SPMIP2: variants seen among roughly 807,000 people sequenced by gnomAD.
SPMIP2 encodes protein SPMIP2.
At chr4:158,913,791 C>A in the SPMIP2 span, among the ~76,000 whole-genome samples, 1 of 151,316 alleles carries the variant, frequency 6.6e-6, no homozygotes, top group South Asian at 2.1e-4. Context: ...TATGGTTGTG[C>A]CCATGAATAG....
the SPMIP2 span, among the ~76,000 whole-genome samples, chr4:158,981,557 T>G: frequency 3.9e-5 from 6 of 152,174 alleles, no homozygotes; most frequent in African/African-American, 1.4e-4. Context: ...ATATTCAACA[T>G]TCTTAAAGAA....
chr4:159,076,053 C>A, the SPMIP2 span, among the ~76,000 whole-genome samples: 2 of 152,084 alleles, frequency 1.3e-5, no homozygotes, highest in African/African-American at 4.8e-5. Flanking sequence ...ATGATGCTGA[C>A]ATTTATAGGG....
chr4:159,022,287 C>A, the SPMIP2 span, among the ~76,000 whole-genome samples: 1 of 152,268 alleles, frequency 6.6e-6, no homozygotes, highest in East Asian at 1.9e-4. Flanking sequence ...TCACCAGTGC[C>A]GTCATTCACT....
chr4:158,999,340 G>A, the SPMIP2 span, among the ~76,000 whole-genome samples: 11 of 152,276 alleles, frequency 7.2e-5, no homozygotes, highest in South Asian at 2.3e-3. Context: ...TTTTAGCCTG[G>A]ATGAAATGTG....
chr4:158,953,563 T>C, the SPMIP2 span, among the ~76,000 whole-genome samples: 1 of 152,208 alleles, frequency 6.6e-6, no homozygotes, highest in African/African-American at 2.4e-5. Context: ...ACTGGGGCAC[T>C]GCCTAGTGGA....
chr4:159,070,570 G>T, the SPMIP2 span, among the ~76,000 whole-genome samples: 6 of 152,170 alleles, frequency 3.9e-5, no homozygotes, highest in Non-Finnish European at 7.4e-5. Flanking sequence ...ATATGGTTTG[G>T]AAGAGCCTTA....
the SPMIP2 span, among the ~76,000 whole-genome samples, chr4:159,030,286 C>A: frequency 6.6e-6 from 1 of 151,874 alleles, no homozygotes; most frequent in Admixed American, 6.6e-5. Flanking sequence ...ATGGTACACA[C>A]CTATAGTCCC....
chr4:158,934,396 A>G, the SPMIP2 span, among the ~76,000 whole-genome samples: 1 of 152,270 alleles, frequency 6.6e-6, no homozygotes, highest in East Asian at 1.9e-4. Context: ...CAGGAGGTGG[A>G]GGTTGCAGTG....
At chr4:158,903,016 G>A in the SPMIP2 span, among the ~76,000 whole-genome samples, 2 of 152,128 alleles carry the variant, frequency 1.3e-5, no homozygotes, top group East Asian at 1.9e-4. Flanking sequence ...CTAGCATTCC[G>A]GGTGCCACTG....
At chr4:158,947,911 C>A in the SPMIP2 span, among the ~76,000 whole-genome samples, 1 of 151,974 alleles carries the variant, frequency 6.6e-6, no homozygotes, top group Non-Finnish European at 1.5e-5. Flanking sequence ...TGCTTTTTCT[C>A]CATTTTAATG....
At chr4:159,058,099 A>G in the SPMIP2 span, among the ~76,000 whole-genome samples, 167 of 151,544 alleles carry the variant, frequency 1.1e-3, 1 homozygote, top group Middle Eastern at 3.5e-3. Context: ...GGCTGAAGTG[A>G]TCCACCGTGT....
the SPMIP2 span, among the ~76,000 whole-genome samples, chr4:159,054,167 G>C: frequency 6.6e-6 from 1 of 151,896 alleles, no homozygotes; most frequent in East Asian, 1.9e-4. Context: ...TATTTTTGTA[G>C]AGACAGGGTC....
chr4:158,969,138 T>C, the SPMIP2 span, among the ~76,000 whole-genome samples: 1 of 152,146 alleles, frequency 6.6e-6, no homozygotes, highest in East Asian at 1.9e-4. Context: ...ATTGTTTCTG[T>C]GAGAAAACCA....
chr4:159,082,493 G>GTGTT, the SPMIP2 span, among the ~76,000 whole-genome samples: 1 of 148,866 alleles, frequency 6.7e-6, no homozygotes, highest in South Asian at 2.1e-4. Context: ...GTGTGTGTGT[G>GTGTT]TTTTGAACCT....
chr4:158,994,198 C>T, the SPMIP2 span, among the ~76,000 whole-genome samples: 3 of 152,120 alleles, frequency 2.0e-5, no homozygotes, highest in African/African-American at 7.2e-5. Flanking sequence ...TCTTAATGGC[C>T]AGCACTGTGC....
the SPMIP2 span, among the ~76,000 whole-genome samples, chr4:159,043,458 C>T: frequency 6.6e-6 from 1 of 152,104 alleles, no homozygotes; most frequent in Admixed American, 6.5e-5. Flanking sequence ...CGCCATTCTC[C>T]TGCCTCAGCC....
chr4:158,901,507 T>C, the SPMIP2 span, among the ~76,000 whole-genome samples: 1 of 152,150 alleles, frequency 6.6e-6, no homozygotes, highest in South Asian at 2.1e-4. Flanking sequence ...TGGTGTTCTC[T>C]GTATTTCCTG....
chr4:158,917,715 T>G, the SPMIP2 span, among the ~76,000 whole-genome samples: 4 of 130,428 alleles, frequency 3.1e-5, no homozygotes, highest in Non-Finnish European at 6.2e-5. Flanking sequence ...AATAGCACTA[T>G]TTGACTTTTT....
chr4:158,904,382 A>G, the SPMIP2 span: 1 of 1,249,082 alleles, frequency 8.0e-7, no homozygotes, highest in South Asian at 1.2e-5. Context: ...CCTAGAAATA[A>G]TACTTTCTCA....
Sources: allele counts gnomAD v4.1 joint callset (sites outside exome capture counted in the v4.1 genomes callset), GRCh38; gene constraint gnomAD v4.1.1; transcripts MANE v1.5; gene names NCBI Gene and HGNC (gene_info 2026-07-23, HGNC 2026-07-21).